TUSC3: variants seen among roughly 807,000 people sequenced by gnomAD.
TUSC3 encodes dolichyl-diphosphooligosaccharide--protein glycosyltransferase subunit TUSC3.
TUSC3 carries 45 observed loss-of-function variants against 44.8 expected under a neutral mutation model. The observed-to-expected ratio is 1.00, with a 90% confidence interval of 0.79 to 1.29. The LOEUF (loss-of-function observed/expected upper bound fraction) is 1.29. Ranked by LOEUF, TUSC3 falls within the 50% of genes most tolerant of loss-of-function variation. The pLI is 0.00. For missense variants in TUSC3, 519 were observed against 437.9 expected, an observed-to-expected ratio of 1.19 and a Z score of -1.65; for synonymous variants, 212 against 152.9, an observed-to-expected ratio of 1.39 and a Z score of -2.85.
At chr8:15,452,640 C>T (rs1800209204) in intron 1 of TUSC3, among the ~76,000 whole-genome samples, 1 of 152,134 alleles carries the variant, frequency 6.6e-6, no homozygotes, top group Non-Finnish European at 1.5e-5. Context: ...CTTTGTAGTC[C>T]AGGACACGTA....
chr8:15,442,487 A>G (rs1248904408), intron 1 of TUSC3, among the ~76,000 whole-genome samples: 2 of 152,194 alleles, frequency 1.3e-5, no homozygotes, highest in East Asian at 1.9e-4. Flanking sequence ...TTATTTAAAA[A>G]GGTGATCTGA....
intron 2 of TUSC3, among the ~76,000 whole-genome samples, chr8:15,629,806 C>T (rs560384450): frequency 1.3e-5 from 2 of 150,166 alleles, no homozygotes; most frequent in South Asian, 4.2e-4. Context: ...ATTTTCCTTG[C>T]TTAAAGGCTG....
chr8:15,425,994 C>T (rs1180973367), intron 1 of TUSC3, among the ~76,000 whole-genome samples: 1 of 152,002 alleles, frequency 6.6e-6, no homozygotes, highest in African/African-American at 2.4e-5. Context: ...CAAGCCTGGA[C>T]AACAGATTGA....
intron 6 of TUSC3, among the ~76,000 whole-genome samples, chr8:15,698,371 T>G (rs576457409): frequency 6.6e-6 from 1 of 152,220 alleles, no homozygotes; most frequent in Non-Finnish European, 1.5e-5. Context: ...AGTAAACTTA[T>G]GAAAACAATT....
At chr8:15,762,816 C>G (rs1008593482) in intron 10 of TUSC3, among the ~76,000 whole-genome samples, 15 of 152,182 alleles carry the variant, frequency 9.9e-5, no homozygotes, top group African/African-American at 3.6e-4. Context: ...GCTGGCACAT[C>G]TATCTGCTTT....
rs1003486610 is a variant in TUSC3 at position 15,529,846 on chromosome 8, G to A, written n.189+46363G>A. 5.4e-5 allele frequency among the ~76,000 whole-genome samples: 6 copies of A among 111,694 alleles called. No homozygotes were observed. In the East Asian group the frequency reaches 1.7e-3, roughly 32 times the overall value. The allele number at this position is 111,694 out of a possible 152,430, so 73.3% of individuals were successfully genotyped here. ...CGCTCTGTTGCCCAGGCCGGACTGC[G>A]GACTGCAATGGCGCAATCTCGGCTC... On this transcript the variant is annotated intron_variant and non_coding_transcript_variant, in intron 2 of 5. Transcript: ENST00000503191.
intron 2 of TUSC3, among the ~76,000 whole-genome samples, chr8:15,641,148 CAA>C (rs1379236099): frequency 6.6e-6 from 1 of 151,824 alleles, no homozygotes; most frequent in Non-Finnish European, 1.5e-5. Flanking sequence ...ATCATTAGGT[CAA>C]GAGATCGAGA....
At chr8:15,581,539 C>G (rs1484176364) in intron 1 of TUSC3, among the ~76,000 whole-genome samples, 4 of 148,340 alleles carry the variant, frequency 2.7e-5, no homozygotes, top group South Asian at 4.3e-4. Context: ...TTCTAACAGA[C>G]AGGACCCTCA....
At chr8:15,614,744 A>T (rs1430629017) in intron 1 of TUSC3, among the ~76,000 whole-genome samples, 2 of 152,156 alleles carry the variant, frequency 1.3e-5, no homozygotes, top group African/African-American at 4.8e-5. Flanking sequence ...ATGCTTGTAC[A>T]AATTTGTAAA....
At chr8:15,653,380 A>G (rs917333901) in intron 3 of TUSC3, among the ~76,000 whole-genome samples, 1 of 151,886 alleles carries the variant, frequency 6.6e-6, no homozygotes, top group African/African-American at 2.4e-5. Flanking sequence ...ATTTTTTTTT[A>G]AAATCTTCTG....
chr8:15,532,360 C>T (rs1239119296), intron 2 of TUSC3, among the ~76,000 whole-genome samples: 1 of 152,056 alleles, frequency 6.6e-6, no homozygotes, highest in Non-Finnish European at 1.5e-5. Flanking sequence ...TTTGTGGAGG[C>T]TGAGAAGTAC....
At chr8:15,616,205 A>G (rs1443986991) in intron 1 of TUSC3, among the ~76,000 whole-genome samples, 1 of 152,224 alleles carries the variant, frequency 6.6e-6, no homozygotes, top group Admixed American at 6.5e-5. Flanking sequence ...ATAGGGACTA[A>G]TTTCTGTTTT....
At chr8:15,636,124 C>G (rs1185770626) in intron 2 of TUSC3, among the ~76,000 whole-genome samples, 1 of 152,066 alleles carries the variant, frequency 6.6e-6, no homozygotes, top group Non-Finnish European at 1.5e-5. Flanking sequence ...GCCCACTGAG[C>G]AGAACAACCA....
intron 6 of TUSC3, among the ~76,000 whole-genome samples, chr8:15,700,261 A>T (rs753517705): frequency 6.6e-6 from 1 of 152,190 alleles, no homozygotes; most frequent in East Asian, 1.9e-4. Flanking sequence ...ATTCAATTCA[A>T]TGAATAACTA....
intron 6 of TUSC3, among the ~76,000 whole-genome samples, chr8:15,724,086 T>G (rs1349057938): frequency 6.6e-6 from 1 of 152,070 alleles, no homozygotes; most frequent in East Asian, 1.9e-4. Flanking sequence ...GGTGGCCTTA[T>G]AAGTAGAGGA....
chr8:15,689,175 G>A (rs1895083), intron 6 of TUSC3: 3 of 388,436 alleles, frequency 7.7e-6, no homozygotes, highest in East Asian at 1.5e-4. Flanking sequence ...TTCTTGCTTC[G>A]GAGAATAAGC....
At chr8:15,516,789 CA>C (rs1258490932) in intron 2 of TUSC3, among the ~76,000 whole-genome samples, 1 of 152,002 alleles carries the variant, frequency 6.6e-6, no homozygotes, top group African/African-American at 2.4e-5. Context: ...AATAGATATT[CA>C]AACAAAATAT....
intron 6 of TUSC3, among the ~76,000 whole-genome samples, chr8:15,691,506 C>T (rs939087376): frequency 6.6e-6 from 1 of 152,066 alleles, no homozygotes; most frequent in African/African-American, 2.4e-5. Flanking sequence ...TTATTTCATT[C>T]TCTTGCTGGA....
chr8:15,826,910 A>G, the TUSC3 span, among the ~76,000 whole-genome samples: 1 of 152,166 alleles, frequency 6.6e-6, no homozygotes, highest in Admixed American at 6.6e-5. Context: ...GAACAGGGAT[A>G]AAAATAGGGA....
Sources: allele counts gnomAD v4.1 joint callset (sites outside exome capture counted in the v4.1 genomes callset), GRCh38; gene constraint gnomAD v4.1.1; transcripts MANE v1.5; gene names NCBI Gene and HGNC (gene_info 2026-07-23, HGNC 2026-07-21).